The following RP1 variants were observed in gnomAD, a reference collection of about 807,000 sequenced individuals.
The protein encoded by RP1 is RP1 axonemal microtubule associated, also known as oxygen-regulated protein 1.
A neutral mutation model predicts 14.8 loss-of-function variants in RP1; 16 were observed. The ratio of observed to expected loss-of-function variants is 1.08; its 90% CI spans 0.73 to 1.65. The LOEUF is 1.65. Ranked by LOEUF, RP1 falls within the 40% of genes most tolerant of loss-of-function variation. The pLI is 0.00. For synonymous variants in RP1, 876 were observed against 883.6 expected (o/e 0.99, Z 0.15); for missense variants, 2,631 against 2,535.0 (o/e 1.04, Z -0.81).
At chr8:54,752,304 A>G (rs1809391904) in intron 19 of RP1, among the ~76,000 whole-genome samples, 1 of 152,186 alleles carries the variant, frequency 6.6e-6, no homozygotes, top group Non-Finnish European at 1.5e-5. Context: ...AGAAGTAAGA[A>G]AGTTTTACCC....
intron 24 of RP1, among the ~76,000 whole-genome samples, chr8:54,807,117 C>A (rs1310578468): frequency 6.6e-6 from 1 of 152,156 alleles, no homozygotes; most frequent in African/African-American, 2.4e-5. Flanking sequence ...ATAATTAAAT[C>A]TCCTCCACCT....
intron 1 of RP1, among the ~76,000 whole-genome samples, chr8:54,609,357 G>A (rs1174874800): frequency 2.0e-5 from 3 of 152,160 alleles, no homozygotes; most frequent in South Asian, 2.1e-4. Context: ...AGGAGGTTTA[G>A]GCTGGAGCAT....
At chr8:54,721,682 G>A (rs1808540100) in intron 16 of RP1, among the ~76,000 whole-genome samples, 2 of 152,132 alleles carry the variant, frequency 1.3e-5, no homozygotes, top group South Asian at 4.1e-4. Flanking sequence ...TGTTACTATA[G>A]CATGGATGGT....
intron 25 of RP1, among the ~76,000 whole-genome samples, chr8:54,841,545 A>G (rs1032839787): frequency 2.0e-5 from 3 of 152,234 alleles, no homozygotes; most frequent in African/African-American, 4.8e-5. Flanking sequence ...CTACTAGTCT[A>G]TAAGTCATCA....
intron 15 of RP1, among the ~76,000 whole-genome samples, chr8:54,715,518 G>A (rs1252083407): frequency 6.6e-6 from 1 of 152,166 alleles, no homozygotes; most frequent in Non-Finnish European, 1.5e-5. Flanking sequence ...CACTGTTAGA[G>A]GGGACAAATA....
chr8:54,799,038 A>G (rs2129388141), intron 24 of RP1, among the ~76,000 whole-genome samples: 1 of 152,110 alleles, frequency 6.6e-6, no homozygotes, highest in African/African-American at 2.4e-5. Context: ...CCTACAGCAT[A>G]ATATATAAAT....
chr8:54,756,859 G>A (rs1809518805), intron 21 of RP1, among the ~76,000 whole-genome samples: 1 of 152,164 alleles, frequency 6.6e-6, no homozygotes, highest in Non-Finnish European at 1.5e-5. Flanking sequence ...GATTTTGCAA[G>A]TCATCTTCAT....
At chr8:54,730,706 G>T (rs1355727888) in intron 17 of RP1, among the ~76,000 whole-genome samples, 3 of 151,988 alleles carry the variant, frequency 2.0e-5, no homozygotes, top group Non-Finnish European at 4.4e-5. Flanking sequence ...AATCCAATGG[G>T]CAAGCATGTT....
chr8:54,807,940 C>T (rs1185032016), intron 24 of RP1, among the ~76,000 whole-genome samples: 1 of 150,888 alleles, frequency 6.6e-6, no homozygotes, highest in Non-Finnish European at 1.5e-5. Flanking sequence ...AGGCAATCTG[C>T]TTTCCTGAGA....
intron 23 of RP1, chr8:54,780,947 C>G (rs759538090): frequency 1.1e-4 from 110 of 984,558 alleles, no homozygotes; most frequent in Non-Finnish European, 1.3e-4. Context: ...TATGGAAGAT[C>G]CTGTTAGACT....
At chr8:54,800,962 T>C (rs1206133517) in intron 24 of RP1, among the ~76,000 whole-genome samples, 1 of 152,182 alleles carries the variant, frequency 6.6e-6, no homozygotes. Flanking sequence ...GAACAGTAGA[T>C]AGTGAAATAA....
intron 24 of RP1, among the ~76,000 whole-genome samples, chr8:54,802,707 G>A (rs563207284): frequency 6.6e-6 from 1 of 152,192 alleles, no homozygotes; most frequent in African/African-American, 2.4e-5. Context: ...AGGGTACAGA[G>A]CTATGAAATG....
chr8:54,808,300 G>A (rs1428093370), intron 24 of RP1, among the ~76,000 whole-genome samples: 2 of 152,162 alleles, frequency 1.3e-5, no homozygotes, highest in South Asian at 2.1e-4. Flanking sequence ...ACTTCCCCGC[G>A]GCTCTGCACG....
At chr8:54,860,790 G>A (rs1812326231) in intron 27 of RP1, among the ~76,000 whole-genome samples, 1 of 152,232 alleles carries the variant, frequency 6.6e-6, no homozygotes, top group Non-Finnish European at 1.5e-5. Flanking sequence ...CTTACATTAA[G>A]TTAGAATGAA....
chr8:54,869,611 A>G (rs1315577207), intron 28 of RP1, among the ~76,000 whole-genome samples: 1 of 152,218 alleles, frequency 6.6e-6, no homozygotes, highest in Non-Finnish European at 1.5e-5. Flanking sequence ...CTAAAAGCCA[A>G]AATTTTAGAG....
At chr8:54,637,354 G>T (rs1159828804) in intron 3 of RP1, among the ~76,000 whole-genome samples, 2 of 152,182 alleles carry the variant, frequency 1.3e-5, no homozygotes, top group Non-Finnish European at 2.9e-5. Flanking sequence ...GGCATTAAGA[G>T]CCAGAACCAC....
intron 12 of RP1, among the ~76,000 whole-genome samples, chr8:54,688,965 G>T (rs1245948877): frequency 6.6e-6 from 1 of 152,124 alleles, no homozygotes; most frequent in Admixed American, 6.6e-5. Flanking sequence ...TTTTCCATTT[G>T]TTTGTGTCAT....
At chr8:54,562,439 G>A (rs1452432978) in intron 1 of RP1, among the ~76,000 whole-genome samples, 1 of 152,164 alleles carries the variant, frequency 6.6e-6, no homozygotes, top group Non-Finnish European at 1.5e-5. Context: ...TGTAATCCCA[G>A]CACTTTGGGG....
At chr8:54,758,884 TTATTTC>T (rs1809569800) in intron 21 of RP1, 3 of 1,531,184 alleles carry the variant, frequency 2.0e-6, no homozygotes, top group Non-Finnish European at 2.6e-6. Flanking sequence ...CGGACTCTAG[TTATTTC>T]TGTGGGTTTT....
Sources: gnomAD v4.1 joint callset for allele counts (sites outside exome capture counted in the v4.1 genomes callset) on GRCh38, gnomAD v4.1.1 for gene constraint, MANE v1.5 for transcripts, NCBI Gene and HGNC (gene_info 2026-07-23, HGNC 2026-07-21) for gene names.